Variants in PTPN2 observed in about 807,000 individuals in gnomAD.
PTPN2 encodes the protein tyrosine-protein phosphatase non-receptor type 2.
Under a neutral mutation model 57.3 loss-of-function variants are expected in PTPN2, and 19 were observed. The ratio of observed to expected loss-of-function variants is 0.33; its 90% CI spans 0.23 to 0.49. PTPN2 has a LOEUF of 0.49. Among genes scored for constraint, PTPN2 ranks in the 20% least tolerant of loss-of-function variants. The pLI is 0.99. For missense variants in PTPN2, 358 were observed against 501.1 expected (o/e 0.71, Z 2.73); for synonymous variants, 153 against 164.9 (o/e 0.93, Z 0.55).
At chr18:12,857,312 G>A (rs2043626793) in intron 2 of PTPN2, among the ~76,000 whole-genome samples, 1 of 152,070 alleles carries the variant, frequency 6.6e-6, no homozygotes, top group African/African-American at 2.4e-5. Flanking sequence ...ATCTACACGT[G>A]ATAAAACTGC....
intron 5 of PTPN2, among the ~76,000 whole-genome samples, chr18:12,820,520 T>A (rs752154083): frequency 4.6e-5 from 7 of 152,176 alleles, no homozygotes; most frequent in African/African-American, 9.7e-5. Context: ...GATACAGAGC[T>A]AAAACGAAAT....
Position 12,794,175 on chromosome 18 carries a change from G to A in PTPN2, c.*103C>T. ...TTATCTGGTTGATGTCTATTCTACT[G>A]CACCGTTTTTGGGATATGAGGCGTT... On this transcript the variant is annotated 3_prime_UTR_variant, in exon 9 of 9. Transcript: ENST00000309660. 6.5e-7 allele frequency: 1 copy of A among 1,543,766 alleles called. No individual in the cohort carries two copies. The highest frequency in any genetic ancestry group is 1.4e-5 in the African/African-American group (1 of 72,690).
chr18:12,873,884 G>A (rs1224810579), intron 1 of PTPN2, among the ~76,000 whole-genome samples: 1 of 151,878 alleles, frequency 6.6e-6, no homozygotes, highest in African/African-American at 2.4e-5. Context: ...GATGTGGGGA[G>A]TGCCTTTGCC....
downstream of PTPN2, chr18:12,787,153 A>G (rs771086395): frequency 6.6e-5 from 10 of 152,216 alleles, no homozygotes; most frequent in Admixed American, 2.6e-4. Flanking sequence ...AGTTTTTTAA[A>G]TGTGCTCCAT....
intron 3 of PTPN2, among the ~76,000 whole-genome samples, 185 bp downstream of exon 3, chr18:12,836,606 C>T (rs1197693033): frequency 5.3e-5 from 8 of 152,218 alleles, no homozygotes; most frequent in Admixed American, 2.6e-4. Context: ...AATAACTTGC[C>T]TTTTATCTTA....
At chr18:12,821,781 T>C (rs1182147445) in intron 5 of PTPN2, among the ~76,000 whole-genome samples, 3 of 152,324 alleles carry the variant, frequency 2.0e-5, no homozygotes, top group Non-Finnish European at 4.4e-5. Context: ...AGGACCAGGC[T>C]GAGCTGGGTC....
intron 7 of PTPN2, 120 bp from the exon 8 acceptor site, chr18:12,802,271 G>C (rs187567685): frequency 6.2e-6 from 5 of 804,150 alleles, no homozygotes; most frequent in East Asian, 5.7e-5. Context: ...GATGCTAAAA[G>C]ATGAGTGAAA....
intron 1 of PTPN2, among the ~76,000 whole-genome samples, chr18:12,870,259 ATATATATATATATG>A (rs2044142918): frequency 1.2e-5 from 1 of 86,072 alleles, no homozygotes; most frequent in Non-Finnish European, 2.2e-5. Context: ...TAACTTTAGC[ATATATATATATATG>A]TATATATATA....
At chr18:12,875,783 G>A (rs2044467320) in intron 1 of PTPN2, among the ~76,000 whole-genome samples, 2 of 152,210 alleles carry the variant, frequency 1.3e-5, no homozygotes, top group Non-Finnish European at 1.5e-5. Flanking sequence ...GGAAGAAGGG[G>A]AGTAGAGAGT....
intron 4 of PTPN2, among the ~76,000 whole-genome samples, chr18:12,829,297 C>G (rs1943055046): frequency 6.6e-6 from 1 of 152,082 alleles, no homozygotes; most frequent in Non-Finnish European, 1.5e-5. Flanking sequence ...GGGCGTATCA[C>G]TTGAGGTCAG....
At chr18:12,817,096 T>C in intron 6 of PTPN2, 60 bp downstream of exon 6, 4 of 1,483,888 alleles carry the variant, frequency 2.7e-6, no homozygotes, top group Non-Finnish European at 3.7e-6. Context: ...TCACTGCCAG[T>C]GGAAGCAATT....
intron 7 of PTPN2, among the ~76,000 whole-genome samples, chr18:12,805,754 C>T (rs561044246): frequency 1.4e-3 from 212 of 151,484 alleles, no homozygotes; most frequent in Middle Eastern, 3.4e-3. Flanking sequence ...CTCAGCCTCC[C>T]GAGTAGCTGG....
chr18:12,860,055 G>A (rs1001704660), intron 1 of PTPN2, among the ~76,000 whole-genome samples: 1 of 151,992 alleles, frequency 6.6e-6, no homozygotes, highest in Non-Finnish European at 1.5e-5. Context: ...TTGGGAGGCC[G>A]AGGCGGGGAA....
chr18:12,821,700 T>C (rs1322186088), intron 5 of PTPN2, among the ~76,000 whole-genome samples: 2 of 151,982 alleles, frequency 1.3e-5, no homozygotes, highest in Non-Finnish European at 2.9e-5. Context: ...AATTCACCTA[T>C]TAGAGAAGTC....
Position 12,794,083 on chromosome 18 carries a change from G to A in PTPN2, c.*195C>T. ...TCTTTATTTTAGACAGCCATTTACA[G>A]TTTGGGGTTCAGAGGAACCTGCAGT... is the stretch of plus-strand genomic sequence containing the variant. On this transcript the variant is annotated 3_prime_UTR_variant, in exon 9 of 9. Transcript: ENST00000309660. The A allele has an allele frequency of 1.4e-6, 2 of 1,429,030 alleles. No individual in the cohort carries two copies. The highest frequency in any genetic ancestry group is 1.8e-6 in the Non-Finnish European group (2 of 1,098,108). The allele number at this position is 1,429,030 out of a possible 1,614,324, so 88.5% of individuals were successfully genotyped here.
chr18:12,865,045 G>A (rs918037976), intron 1 of PTPN2, among the ~76,000 whole-genome samples: 1 of 152,132 alleles, frequency 6.6e-6, no homozygotes, highest in Non-Finnish European at 1.5e-5. Context: ...ATTATACTTT[G>A]TTTTTCATTG....
At chr18:12,862,699 G>C (rs2043856205) in intron 1 of PTPN2, 2 of 152,122 alleles carry the variant, frequency 1.3e-5, no homozygotes, top group African/African-American at 4.8e-5. Flanking sequence ...TGAGGGGTGG[G>C]AACAGGCAGG....
intron 3 of PTPN2, among the ~76,000 whole-genome samples, chr18:12,833,770 G>A (rs370242550): frequency 6.6e-6 from 1 of 152,166 alleles, no homozygotes; most frequent in Admixed American, 6.5e-5. Flanking sequence ...TGAAAAAAGC[G>A]AGGGGCAATA....
chr18:12,866,462 C>T (rs2043997137), intron 1 of PTPN2, among the ~76,000 whole-genome samples: 1 of 142,224 alleles, frequency 7.0e-6, no homozygotes, highest in Non-Finnish European at 1.5e-5. Flanking sequence ...CAAAACAAAA[C>T]AAAACAAAAC....
Sources: allele counts gnomAD v4.1 joint callset (sites outside exome capture counted in the v4.1 genomes callset), GRCh38; gene constraint gnomAD v4.1.1; transcripts MANE v1.5; gene names NCBI Gene and HGNC (gene_info 2026-07-23, HGNC 2026-07-21).